GREB1L: variants seen among roughly 807,000 people sequenced by gnomAD.
The protein encoded by GREB1L is GREB1-like protein.
A neutral mutation model predicts 200.8 loss-of-function variants in GREB1L; 17 were observed. That is an observed-to-expected ratio of 0.08 (90% CI 0.06 to 0.13). The LOEUF is 0.13. GREB1L is among the 10% of genes least tolerant of loss of function. The pLI is 1.00. For synonymous variants in GREB1L, 789 were observed against 893.0 expected (o/e 0.88, Z 2.08); for missense variants, 1,657 against 2,367.7 (o/e 0.70, Z 6.23).
At chr18:21,488,330 T>C (rs1278223786) in intron 18 of GREB1L, among the ~76,000 whole-genome samples, 1 of 152,160 alleles carries the variant, frequency 6.6e-6, no homozygotes, top group Non-Finnish European at 1.5e-5. Context: ...GTTGTTCATA[T>C]ACAGGGCATC....
intron 10 of GREB1L, among the ~76,000 whole-genome samples, chr18:21,443,680 T>C (rs1433600045): frequency 6.6e-6 from 1 of 152,214 alleles, no homozygotes; most frequent in East Asian, 1.9e-4. Flanking sequence ...AGAGATAATA[T>C]GAGTACAGTT....
At chr18:21,416,444 A>T (rs1374743335) in intron 7 of GREB1L, among the ~76,000 whole-genome samples, 3 of 152,144 alleles carry the variant, frequency 2.0e-5, no homozygotes, top group Admixed American at 6.5e-5. Flanking sequence ...AACCCCAAGC[A>T]TAAGAAACAT....
chr18:21,343,730 A>ATTTTTTTT (rs36120644), intron 1 of GREB1L, among the ~76,000 whole-genome samples: 3 of 114,952 alleles, frequency 2.6e-5, no homozygotes, highest in Admixed American at 9.1e-5. Flanking sequence ...GAGAAGAGAG[A>ATTTTTTTT]TTTTTTTTTT....
At chr18:21,382,827 T>C (rs1185126748) in intron 2 of GREB1L, among the ~76,000 whole-genome samples, 1 of 152,154 alleles carries the variant, frequency 6.6e-6, no homozygotes, top group Non-Finnish European at 1.5e-5. Flanking sequence ...ACTATAGTAC[T>C]ATATAAATAT....
At chr18:21,253,997 T>C (rs2037758559) in intron 1 of GREB1L, among the ~76,000 whole-genome samples, 1 of 151,116 alleles carries the variant, frequency 6.6e-6, no homozygotes, top group Non-Finnish European at 1.5e-5. Flanking sequence ...CCACTATGCC[T>C]GGTTAATTTC....
At chr18:21,327,905 G>T (rs1400719455) in intron 1 of GREB1L, among the ~76,000 whole-genome samples, 3 of 151,778 alleles carry the variant, frequency 2.0e-5, no homozygotes, top group Non-Finnish European at 4.4e-5. Flanking sequence ...TAATAGAGAC[G>T]GGGTTTCACC....
At chr18:21,494,977 C>A (rs2036491156) in intron 19 of GREB1L, among the ~76,000 whole-genome samples, 1 of 152,134 alleles carries the variant, frequency 6.6e-6, no homozygotes, top group Non-Finnish European at 1.5e-5. Flanking sequence ...AAAATTGATA[C>A]TTAATAGGTT....
intron 1 of GREB1L, among the ~76,000 whole-genome samples, chr18:21,339,234 C>CTTTTTTTAAAGCCTTTTCTG (rs1404965740): frequency 6.6e-6 from 1 of 151,746 alleles, no homozygotes; most frequent in Non-Finnish European, 1.5e-5. Flanking sequence ...ATTTAAAAGG[C>CTTTTTTTAAAGCCTTTTCTG]ACATAGTGGA....
At chr18:21,486,416 C>T (rs1243535218) in intron 18 of GREB1L, among the ~76,000 whole-genome samples, 2 of 151,890 alleles carry the variant, frequency 1.3e-5, no homozygotes, top group African/African-American at 4.8e-5. Flanking sequence ...ACACCTCAGA[C>T]TTTGACATTT....
chr18:21,517,929 C>A, intron 30 of GREB1L, 105 bp from the exon 31 acceptor site: 1 of 837,800 alleles, frequency 1.2e-6, no homozygotes, highest in South Asian at 1.7e-5. Context: ...CCTCACTGTG[C>A]TACTGCTATT....
At position 21,499,570 on chromosome 18, in the gene GREB1L, G is replaced by A. The variant is rs748885218; in HGVS notation, c.3392-159G>A. Among the ~76,000 whole-genome samples, 3 of 152,214 alleles carry A rather than the reference G, an allele frequency of 2.0e-5. No homozygotes were observed. In the East Asian group the frequency reaches 5.8e-4, roughly 29 times the overall value. On this transcript the variant is annotated intron_variant, in intron 21 of 32. Transcript: ENST00000424526. ...AGAAGCCAGGGCAAGGAAGCAACAC[G>A]GAGCAATGTGGAGAGCGGCAAAGAG... is the stretch of plus-strand genomic sequence containing the variant.
At chr18:21,400,636 T>C (rs2041279019) in intron 5 of GREB1L, among the ~76,000 whole-genome samples, 1 of 152,186 alleles carries the variant, frequency 6.6e-6, no homozygotes, top group Admixed American at 6.5e-5. Flanking sequence ...CCTGCCTGAC[T>C]TTTTGTATTT....
chr18:21,412,567 T>C (rs925041340), intron 7 of GREB1L, among the ~76,000 whole-genome samples: 5 of 152,208 alleles, frequency 3.3e-5, no homozygotes, highest in African/African-American at 1.2e-4. Context: ...TTATTTCATT[T>C]CTATTACATT....
At chr18:21,291,410 CAT>C (rs1430828273) in intron 1 of GREB1L, among the ~76,000 whole-genome samples, 14 of 152,192 alleles carry the variant, frequency 9.2e-5, no homozygotes, top group African/African-American at 3.4e-4. Context: ...ATGTTAGAGA[CAT>C]GTGGGGCATT....
intron 1 of GREB1L, among the ~76,000 whole-genome samples, chr18:21,347,182 A>G (rs1179572299): frequency 1.3e-5 from 2 of 151,576 alleles, no homozygotes; most frequent in Non-Finnish European, 2.9e-5. Flanking sequence ...GGAGGCTGAG[A>G]CAGGAGAATT....
intron 4 of GREB1L, among the ~76,000 whole-genome samples, chr18:21,393,175 T>C (rs1197488308): frequency 6.6e-6 from 1 of 152,224 alleles, no homozygotes; most frequent in Non-Finnish European, 1.5e-5. Flanking sequence ...CATGAATTGA[T>C]GCTAGGAGAA....
rs2033830604 is a variant in GREB1L, at chr18:21,440,361, C to T, written c.1042C>T (p.Pro348Ser). 1.3e-6 allele frequency: 2 copies of T among 1,551,584 alleles called. No homozygotes were observed. The stretch of plus-strand genomic sequence containing the variant: ...CCAACCTGGCTTAGTTGTACCTGTC[C>T]CTACAGTTCGCCCTCTTTCAAGAAC... ...LPQPGLVVPV[P>S]TVRPLSRTEP... The change falls in exon 9 of 33, where the codon CCT becomes TCT. Residue 348 changes from proline (P) to serine (S), a missense_variant. Pro to Ser is a moderately conservative substitution (Grantham distance 74). This residue lies in a region of GREB1L where 289 missense variants were observed against 345.1 expected (regional missense o/e 0.84). Transcript: ENST00000424526.
chr18:21,289,469 C>T (rs2038411740), intron 1 of GREB1L, among the ~76,000 whole-genome samples: 2 of 151,884 alleles, frequency 1.3e-5, no homozygotes. Flanking sequence ...AGCCCAGGAG[C>T]TTGAGGCTGC....
chr18:21,292,609 T>C (rs1156857444), intron 1 of GREB1L, among the ~76,000 whole-genome samples: 2 of 152,246 alleles, frequency 1.3e-5, no homozygotes, highest in Admixed American at 6.5e-5. Context: ...TTATATCATG[T>C]GTCGCCCTTT....
Sources: allele counts gnomAD v4.1 joint callset (sites outside exome capture counted in the v4.1 genomes callset), GRCh38; gene constraint gnomAD v4.1.1; regional missense constraint gnomAD v4.1.1; transcripts MANE v1.5; gene names NCBI Gene and HGNC (gene_info 2026-07-23, HGNC 2026-07-21).